MED4: variants seen among roughly 807,000 people sequenced by gnomAD.
The protein encoded by MED4 is mediator complex subunit 4, also known as mediator of RNA polymerase II transcription subunit 4.
In MED4, 21 loss-of-function variants were observed where a neutral mutation model predicts 35.0. The observed-to-expected ratio is 0.60, with a 90% CI of 0.43 to 0.86. The LOEUF is 0.86. MED4 is among the 40% of genes least tolerant of loss of function. MED4 has a pLI of 0.00. For synonymous variants in MED4, 138 were observed against 114.0 expected, an observed-to-expected ratio of 1.21 and a Z score of -1.34; for missense variants, 300 against 319.4, an observed-to-expected ratio of 0.94 and a Z score of 0.46.
At chr13:48,093,045 A>C (rs1950901152) in intron 1 of MED4, among the ~76,000 whole-genome samples, 2 of 152,238 alleles carry the variant, frequency 1.3e-5, no homozygotes, top group Admixed American at 1.3e-4. Flanking sequence ...CCCCACACTC[A>C]AGAGCCCTGT....
intron 6 of MED4, 29 bp downstream of exon 6, chr13:48,079,815 T>C: frequency 6.2e-7 from 1 of 1,608,580 alleles, no homozygotes; most frequent in East Asian, 2.2e-5. Context: ...CCCTGATCTG[T>C]TTGAAAACAC....
chr13:48,093,889 T>A (rs1368842245), intron 1 of MED4, among the ~76,000 whole-genome samples: 1 of 152,206 alleles, frequency 6.6e-6, no homozygotes, highest in Non-Finnish European at 1.5e-5. Context: ...CAGGTAAGAT[T>A]TATTCTAAAG....
rs1419330384 is a variant in MED4 at position 48,079,958 on chromosome 13, A to G, written c.526T>C (p.Tyr176His). The G allele has an allele frequency of 6.2e-7, 1 of 1,613,810 alleles. No homozygotes were observed. The highest frequency in any genetic ancestry group is 8.5e-7 in the Non-Finnish European group (1 of 1,179,730). ...TWVPGDPRRP[Y>H]PTDLEMRSGL... ...CTTCTCATCTCTAAATCAGTTGGGT[A>G]GGGTCTCCGGGGGTCCCCTAAAACA... The change falls in exon 6 of 7, where the codon TAC (tyrosine) becomes CAC (histidine). Residue 176 changes from tyrosine (Y) to histidine (H), a missense_variant. Tyr to His is a moderately conservative substitution (Grantham distance 83). Transcript: ENST00000258648.
chr13:48,090,407 T>C lies in MED4; in HGVS notation c.137A>G (p.Glu46Gly). 6.3e-7 allele frequency: 1 copy of C among 1,596,422 alleles called. No homozygotes were observed. The highest frequency in any genetic ancestry group is 1.8e-5 in the Admixed American group (1 of 56,624). ...TTGGTTTCTTGAAATTGCCAGCATT[T>C]CTATAAGTTCCCTAAAAAAAAAAAA... is the stretch of plus-strand genomic sequence containing the variant. ...DLEVLSRELI[E>G]MLAISRNQKL... The change falls in exon 2 of 7, where the codon GAA becomes GGA. Residue 46 changes from glutamate (E) to glycine (G), a missense_variant. Coordinates refer to ENST00000258648, the MANE Select transcript of MED4 (RefSeq NM_014166.4).
chr13:48,079,739 AAAT>A, intron 6 of MED4, 102 bp downstream of exon 6: 1 of 1,410,822 alleles, frequency 7.1e-7, no homozygotes, highest in Admixed American at 2.2e-5. Context: ...AAAAAAAAAA[AAAT>A]TGTGTCGGGA....
intron 4 of MED4, 117 bp from the exon 5 acceptor site, chr13:48,081,848 CT>C (rs1950810727): frequency 1.9e-6 from 1 of 537,592 alleles, no homozygotes; most frequent in South Asian, 3.6e-5. Flanking sequence ...ATAAAATAAT[CT>C]CAGTCACCTG....
At chr13:48,086,926 A>T (rs1950852660) in intron 2 of MED4, among the ~76,000 whole-genome samples, 2 of 151,642 alleles carry the variant, frequency 1.3e-5, no homozygotes, top group South Asian at 4.2e-4. Flanking sequence ...GGCGCCTAAA[A>T]TCCCAGTTAC....
intron 4 of MED4, among the ~76,000 whole-genome samples, chr13:48,082,628 C>T (rs1318968458): frequency 1.3e-5 from 2 of 152,168 alleles, no homozygotes; most frequent in African/African-American, 4.8e-5. Context: ...GAGATCAAGA[C>T]CATCCTGGCT....
intron 2 of MED4, among the ~76,000 whole-genome samples, chr13:48,086,806 T>C (rs1460253682): frequency 6.6e-6 from 1 of 152,168 alleles, no homozygotes; most frequent in Non-Finnish European, 1.5e-5. Context: ...TCCCAGAACT[T>C]TGGGAGGCTG....
Position 48,077,140 on chromosome 13 carries a change from C to T in MED4, c.812G>A (p.Ter271=). 6.3e-7 allele frequency: 1 copy of T among 1,595,528 alleles called. No homozygotes were observed. Among genetic ancestry groups the T allele is most frequent in the Non-Finnish European group, 8.5e-7 (1 of 1,173,762 alleles). The change falls in exon 7 of 7, where the codon TGA becomes TAA. Residue 271 remains the stop codon, a stop_retained_variant. Transcript: ENST00000258648. ...CTGTATATTGTCTTTTAAGGTTTTT[C>T]AATCAGACTCACTACTACTGCTTGA... ...DSSSSSSESD[*]
chr13:48,082,376 T>C (rs1440939739), intron 4 of MED4, among the ~76,000 whole-genome samples: 1 of 152,194 alleles, frequency 6.6e-6, no homozygotes. Flanking sequence ...TTTTACAAAC[T>C]TTAGATACTG....
intron 1 of MED4, among the ~76,000 whole-genome samples, chr13:48,091,110 A>C (rs1295438771): frequency 6.6e-6 from 1 of 152,196 alleles, no homozygotes; most frequent in East Asian, 1.9e-4. Flanking sequence ...ATATATTTTA[A>C]GGTAAAATAA....
rs549941831 is a variant in MED4, at chr13:48,094,193, TAAG to T, written c.125+758_125+760del. ...TTAAAACTGTTTGGGAGGCTACATT[TAAG>T]AAGGAGTTATGAACAGCGGGGTTGG... On this transcript the variant is annotated intron_variant, in intron 1 of 6. Transcript: ENST00000258648. Among the ~76,000 whole-genome samples the T allele has an allele frequency of 5.8e-4, 89 of 152,214 alleles. 1 individual carries two copies. Among genetic ancestry groups the T allele is most frequent in the Non-Finnish European group, 9.9e-4 (67 of 67,994 alleles).
chr13:48,092,897 A>C (rs1950900147), intron 1 of MED4, among the ~76,000 whole-genome samples: 1 of 152,156 alleles, frequency 6.6e-6, no homozygotes, highest in Admixed American at 6.5e-5. Context: ...AGTCCACAGA[A>C]GGCTTTACAA....
chr13:48,081,585 T>C, intron 5 of MED4, 60 bp downstream of exon 5: 9 of 1,142,828 alleles, frequency 7.9e-6, no homozygotes, highest in Non-Finnish European at 1.0e-5. Context: ...TGTCTGTACA[T>C]AGTCACCTAA....
intron 5 of MED4, among the ~76,000 whole-genome samples, chr13:48,080,793 T>C (rs1950802677): frequency 6.6e-6 from 1 of 152,156 alleles, no homozygotes; most frequent in Admixed American, 6.5e-5. Flanking sequence ...ATTTTCCTCA[T>C]GCCACCTTGT....
rs1015016727 is a variant in MED4 at position 48,088,184 on chromosome 13, T to G, written c.193-1732A>C. Among the ~76,000 whole-genome samples the G allele has an allele frequency of 2.6e-5, 4 of 152,326 alleles. No individual in the cohort carries two copies. In the East Asian group the frequency reaches 7.7e-4, roughly 29 times the overall value. On this transcript the variant is annotated intron_variant, in intron 2 of 6. Coordinates refer to ENST00000258648, the MANE Select transcript of MED4 (RefSeq NM_014166.4). ...CCCCAGTACAGAATTAAGATGCAAG[T>G]CTAGTCTAAATATCCTTTACTGTGC...
intron 4 of MED4, among the ~76,000 whole-genome samples, chr13:48,082,956 T>G (rs971155183): frequency 6.6e-6 from 1 of 152,232 alleles, no homozygotes; most frequent in Non-Finnish European, 1.5e-5. Context: ...GGCTCTGACT[T>G]CATGTACGTC....
intron 2 of MED4, among the ~76,000 whole-genome samples, chr13:48,088,407 T>C (rs936059690): frequency 2.0e-5 from 3 of 152,200 alleles, no homozygotes; most frequent in Non-Finnish European, 4.4e-5. Context: ...CTGCCAAATA[T>C]TAAGAGTATT....
Sources: allele counts gnomAD v4.1 joint callset (sites outside exome capture counted in the v4.1 genomes callset), GRCh38; gene constraint gnomAD v4.1.1; transcripts MANE v1.5; gene names NCBI Gene and HGNC (gene_info 2026-07-23, HGNC 2026-07-21).